ARIH2: variants seen among roughly 807,000 people sequenced by gnomAD.
The protein encoded by ARIH2 is ariadne RBR E3 ubiquitin protein ligase 2.
ARIH2 carries 12 observed loss-of-function variants against 79.8 expected under a neutral mutation model. The observed-to-expected ratio is 0.15, with a 90% CI of 0.10 to 0.24. The LOEUF (loss-of-function observed/expected upper bound fraction) is 0.24. Among genes scored for constraint, ARIH2 ranks in the 10% least tolerant of loss-of-function variants. The probability of loss-of-function intolerance (pLI) is 1.00; values close to 1 mark genes in which losing one functional copy is unlikely to be tolerated. For synonymous variants in ARIH2, 224 were observed against 213.9 expected (o/e 1.05, Z -0.41); for missense variants, 301 against 618.3 (o/e 0.49, Z 5.44).
chr3:48,977,092 T>G (rs545866604), intron 11 of ARIH2, among the ~76,000 whole-genome samples: 1 of 151,396 alleles, frequency 6.6e-6, no homozygotes, highest in South Asian at 2.1e-4. Flanking sequence ...GTCCCAGCTA[T>G]TCGGGAGGCT....
chr3:48,961,542 T>C (rs2091262819), intron 3 of ARIH2, 70 bp from the exon 4 acceptor site: 2 of 961,254 alleles, frequency 2.1e-6, no homozygotes, highest in Non-Finnish European at 3.3e-6. Flanking sequence ...ATGTATACAG[T>C]TCTCAAAATG....
chr3:48,925,418 CT>C (rs34604342), intron 2 of ARIH2, among the ~76,000 whole-genome samples: 98,073 of 145,378 alleles, frequency 0.67, 33,093 homozygotes, highest in East Asian at 0.96. Flanking sequence ...CAGCTGATTT[CT>C]TTTTTTTTTT....
chr3:48,977,426 C>T (rs1343894823), intron 11 of ARIH2, among the ~76,000 whole-genome samples: 1 of 151,808 alleles, frequency 6.6e-6, no homozygotes, highest in Non-Finnish European at 1.5e-5. Context: ...CTTGCTCGGC[C>T]TCCTGAGTAG....
intron 3 of ARIH2, among the ~76,000 whole-genome samples, chr3:48,955,747 C>T (rs1028103593): frequency 2.6e-5 from 4 of 152,198 alleles, no homozygotes; most frequent in Non-Finnish European, 5.9e-5. Context: ...TTTTGGCCCT[C>T]CTGCCAGGAG....
intron 3 of ARIH2, among the ~76,000 whole-genome samples, chr3:48,928,840 T>C (rs2085988663): frequency 6.6e-6 from 1 of 152,050 alleles, no homozygotes; most frequent in African/African-American, 2.4e-5. Context: ...TTTTTTTTTT[T>C]GTGTGACTAA....
intron 3 of ARIH2, among the ~76,000 whole-genome samples, chr3:48,930,801 A>G (rs1162776711): frequency 2.0e-5 from 3 of 152,238 alleles, no homozygotes; most frequent in South Asian, 4.1e-4. Flanking sequence ...TGATTGCACA[A>G]TTCTGTGGCA....
At position 48,927,517 on chromosome 3, in the gene ARIH2, A is replaced by G; in HGVS notation, c.-42A>G. ...CGGTAGTTTTGGGGGGAGGGGGAAAAAGCAACTGCTTTCCTGATCTGCAAC... is the reference window on the plus strand; with the variant it reads ...CGGTAGTTTTGGGGGGAGGGGGAAAGAGCAACTGCTTTCCTGATCTGCAAC... On this transcript the variant is annotated 5_prime_UTR_variant, in exon 3 of 16. Transcript: ENST00000356401. 1 of 1,592,600 alleles carries G rather than the reference A, an allele frequency of 6.3e-7. No individual in the cohort carries two copies.
At position 48,985,752 on chromosome 3, in the gene ARIH2, A is replaced by C. The variant is rs942518697; in HGVS notation, c.*2482A>C. ...GTGATCCCTGTGGAATGAAGTAGAA[A>C]ATCCTGCCAGTTTTCCGCTCTCCTC... On this transcript the variant is annotated 3_prime_UTR_variant, in exon 16 of 16. Transcript: ENST00000356401. 2 of 152,070 alleles carry C rather than the reference A, an allele frequency of 1.3e-5. No homozygotes were observed. The highest frequency in any genetic ancestry group is 4.1e-4 in the South Asian group (2 of 4,836). 9.4% of individuals were successfully genotyped at this position (152,070 alleles called of 1,614,324 possible).
At position 48,967,191 on chromosome 3, in the gene ARIH2, C is replaced by T; in HGVS notation, c.454C>T (p.Leu152Phe). The change falls in exon 6 of 16, where the codon CTC becomes TTC. Residue 152 changes from leucine (L) to phenylalanine (F), a missense_variant. By Grantham distance (22) the Leu-to-Phe change is conservative. Around this residue, in one of 2 missense-constraint regions of ARIH2, gnomAD observed 223 missense variants for 349.4 expected, o/e 0.64. Coordinates refer to ENST00000356401, the MANE Select transcript of ARIH2 (RefSeq NM_006321.4). ...GCAGTTTGTGCGAAAGGAAAACCTA[C>T]TCTCTCTGGCCTGTCAGCACCAGTT... ...CMQFVRKENL[L>F]SLACQHQFCR... The T allele has an allele frequency of 1.9e-6, 3 of 1,614,232 alleles. No homozygotes were observed. The highest frequency in any genetic ancestry group is 2.5e-6 in the Non-Finnish European group (3 of 1,180,042).
chr3:48,933,337 G>GTGTT (rs992809696), intron 3 of ARIH2, among the ~76,000 whole-genome samples: 1 of 151,300 alleles, frequency 6.6e-6, no homozygotes, highest in African/African-American at 2.4e-5. Context: ...GTGTGTGTGT[G>GTGTT]TTTTTGGTAG....
At chr3:48,924,386 G>C (rs2085273560) in intron 2 of ARIH2, among the ~76,000 whole-genome samples, 1 of 151,934 alleles carries the variant, frequency 6.6e-6, no homozygotes, top group Admixed American at 6.6e-5. Context: ...TTTGGAGACA[G>C]AATCTCTCTG....
Position 48,967,349 on chromosome 3 carries a change from A to G in ARIH2, c.538+74A>G, listed in dbSNP as rs1279621403. ...TTGACTCTGCCTTTTCATGTACTCA[A>G]GTAAACTGAGTATTTTCTTCTGAGC... On this transcript the variant is annotated intron_variant, in intron 6 of 15. Transcript: ENST00000356401. 6 of 1,460,582 alleles carry G rather than the reference A, an allele frequency of 4.1e-6. No individual in the cohort carries two copies. In the East Asian group the frequency reaches 7.0e-5, roughly 17 times the overall value. 90.5% of individuals were successfully genotyped at this position (1,460,582 alleles called of 1,614,324 possible).
chr3:48,964,245 G>A (rs1318219095), intron 4 of ARIH2, among the ~76,000 whole-genome samples: 1 of 151,730 alleles, frequency 6.6e-6, no homozygotes, highest in Non-Finnish European at 1.5e-5. Flanking sequence ...GACCTCAAGT[G>A]ATTTACCCAC....
chr3:48,982,835 T>A, intron 14 of ARIH2, 61 bp from the exon 15 acceptor site: 1 of 1,315,464 alleles, frequency 7.6e-7, no homozygotes, highest in South Asian at 1.2e-5. Flanking sequence ...CACCCCCGTG[T>A]ACAGGCCCTG....
chr3:48,981,390 G>A (rs917795139), intron 13 of ARIH2, among the ~76,000 whole-genome samples: 7 of 152,010 alleles, frequency 4.6e-5, no homozygotes, highest in Admixed American at 3.9e-4. Context: ...TGACTCTGAT[G>A]TCCTACTCAA....
At chr3:48,973,328 A>G (rs1247499573) in intron 8 of ARIH2, among the ~76,000 whole-genome samples, 2 of 152,214 alleles carry the variant, frequency 1.3e-5, no homozygotes, top group Admixed American at 1.3e-4. Flanking sequence ...CTGTAATCCC[A>G]GCACTTTGGG....
At position 48,918,856 on chromosome 3, in the gene ARIH2, G is replaced by A. The variant is rs757115126; in HGVS notation, c.-304G>A. ...CAAGCACTTCCGGAGCTGTGGGGACGACTCTTCTGGAGGAAGCAGCGCGGG... is the reference window on the plus strand; with the variant it reads ...CAAGCACTTCCGGAGCTGTGGGGACAACTCTTCTGGAGGAAGCAGCGCGGG... On this transcript the variant is annotated 5_prime_UTR_variant, in exon 1 of 16. Transcript: ENST00000356401. 2 of 1,610,722 alleles carry A rather than the reference G, an allele frequency of 1.2e-6. No homozygotes were observed. The highest frequency in any genetic ancestry group is 1.1e-5 in the South Asian group (1 of 90,986).
Position 48,927,451 on chromosome 3 carries a change from T to C in ARIH2, c.-97-11T>C. ...GAAAAAGTAACACTTATTTTTTTTT[T>C]CCTCCCTTAGAAGACAAAAATACTA... On this transcript the variant is annotated splice_polypyrimidine_tract_variant and intron_variant, in intron 2 of 15. Transcript: ENST00000356401. 1.5e-6 allele frequency: 2 copies of C among 1,364,874 alleles called. No homozygotes were observed. The highest frequency in any genetic ancestry group is 1.5e-5 in the African/African-American group (1 of 68,544). 84.5% of individuals were successfully genotyped at this position (1,364,874 alleles called of 1,614,324 possible). A position where few individuals can be genotyped will look rare whatever the true frequency, so the allele number is the denominator to read the frequency against.
In ARIH2 at chr3:48,984,580, C is replaced by G. The variant is rs1474975603; in HGVS notation, c.*1310C>G. On this transcript the variant is annotated 3_prime_UTR_variant, in exon 16 of 16. Coordinates refer to ENST00000356401, the MANE Select transcript of ARIH2 (RefSeq NM_006321.4). Reference sequence around the variant, plus strand: ...GTGGTTTGCCTGGTGTCCTACCTGTCCTGAACCTGGTCCTGTGGGCCATTG... The same window carrying G: ...GTGGTTTGCCTGGTGTCCTACCTGTGCTGAACCTGGTCCTGTGGGCCATTG... 6.6e-6 allele frequency: 1 copy of G among 152,224 alleles called. No individual in the cohort carries two copies. The highest frequency in any genetic ancestry group is 2.4e-5 in the African/African-American group (1 of 41,416). The allele number at this position is 152,224 out of a possible 1,614,324, so 9.4% of individuals were successfully genotyped here.
Sources: allele counts gnomAD v4.1 joint callset (sites outside exome capture counted in the v4.1 genomes callset), GRCh38; gene constraint gnomAD v4.1.1; regional missense constraint gnomAD v4.1.1; transcripts MANE v1.5; gene names NCBI Gene and HGNC (gene_info 2026-07-23, HGNC 2026-07-21).